Variants in SLC17A8 observed in about 807,000 individuals in gnomAD.
SLC17A8 encodes vesicular glutamate transporter 3.
A neutral mutation model predicts 58.0 loss-of-function variants in SLC17A8; 31 were observed. The ratio of observed to expected loss-of-function variants is 0.53; its 90% CI spans 0.40 to 0.72. SLC17A8 has a LOEUF of 0.72. Ranked by LOEUF, SLC17A8 falls within the 30% of genes least tolerant of loss-of-function variation. The probability of loss-of-function intolerance (pLI) is 0.00; values close to 1 mark genes in which losing one functional copy is unlikely to be tolerated. For missense variants in SLC17A8, 655 were observed against 727.8 expected (o/e 0.90, Z 1.15); for synonymous variants, 228 against 249.0 (o/e 0.92, Z 0.79).
chr12:100,383,424 AG>A (rs1952650682), intron 2 of SLC17A8, among the ~76,000 whole-genome samples: 1 of 152,206 alleles, frequency 6.6e-6, no homozygotes. Flanking sequence ...AATTTATAGC[AG>A]ATTATTTCTC....
chr12:100,407,476 A>G (rs1952834172), intron 9 of SLC17A8, among the ~76,000 whole-genome samples: 1 of 152,156 alleles, frequency 6.6e-6, no homozygotes, highest in Non-Finnish European at 1.5e-5. Context: ...TTGAGAGGAA[A>G]TAGTTTTTTT....
intron 1 of SLC17A8, among the ~76,000 whole-genome samples, chr12:100,365,671 G>A (rs1041264836): frequency 2.2e-4 from 33 of 152,190 alleles, no homozygotes; most frequent in African/African-American, 7.5e-4. Flanking sequence ...GTTCTGGAAT[G>A]TCTCAAACAC....
At chr12:100,392,197 G>GT (rs776273138) in intron 3 of SLC17A8, among the ~76,000 whole-genome samples, 5 of 151,346 alleles carry the variant, frequency 3.3e-5, no homozygotes, top group South Asian at 2.1e-4. Flanking sequence ...TTTAAAAAGT[G>GT]GTTTTTTTTT....
At chr12:100,404,238 T>C (rs990761878) in intron 9 of SLC17A8, 68 bp downstream of exon 9, 18 of 1,593,838 alleles carry the variant, frequency 1.1e-5, no homozygotes, top group Admixed American at 1.7e-5. Context: ...CTGCAGAGCA[T>C]ATATTAAGAA....
intron 10 of SLC17A8, among the ~76,000 whole-genome samples, chr12:100,413,144 C>A (rs550909519): frequency 6.6e-6 from 1 of 152,118 alleles, no homozygotes; most frequent in Admixed American, 6.6e-5. Flanking sequence ...TTCTGAGACA[C>A]GAGCAGAGGC....
chr12:100,405,209 T>C (rs893223833), intron 9 of SLC17A8, among the ~76,000 whole-genome samples: 1 of 152,184 alleles, frequency 6.6e-6, no homozygotes, highest in African/African-American at 2.4e-5. Context: ...GGCCTGACCT[T>C]AGCTTGAACT....
At chr12:100,395,326 A>ATTTT (rs11304705) in intron 4 of SLC17A8, among the ~76,000 whole-genome samples, 1 of 138,116 alleles carries the variant, frequency 7.2e-6, no homozygotes, top group Admixed American at 7.4e-5. Flanking sequence ...AAACAAAAGA[A>ATTTT]TTTTTTTTTT....
intron 2 of SLC17A8, among the ~76,000 whole-genome samples, chr12:100,385,234 T>C (rs949650702): frequency 4.1e-4 from 8 of 19,554 alleles, no homozygotes; most frequent in African/African-American, 6.7e-4. Flanking sequence ...GTCTTAAACA[T>C]TTTTTTTTTT....
rs1159332945 is a variant in SLC17A8 at position 100,408,596 on chromosome 12, C to T, written c.1187-4174C>T. On this transcript the variant is annotated intron_variant, in intron 9 of 11. Transcript: ENST00000323346. ...TAGTATTTTAACTGTCAGTAGAAAC[C>T]ATTTAGGCTCTTAAATGCTTTTTTT... 1.3e-5 allele frequency among the ~76,000 whole-genome samples: 2 copies of T among 152,130 alleles called. 1 individual carries two copies. The highest frequency in any genetic ancestry group is 4.1e-4 in the South Asian group (2 of 4,830).
chr12:100,397,891 G>A (rs556534107), intron 5 of SLC17A8, among the ~76,000 whole-genome samples: 16 of 148,950 alleles, frequency 1.1e-4, no homozygotes, highest in African/African-American at 3.7e-4. Flanking sequence ...GCAGTGAGCC[G>A]AGATCACACC....
At chr12:100,391,261 C>T (rs535289807) in intron 3 of SLC17A8, 142 bp downstream of exon 3, 1 of 674,856 alleles carries the variant, frequency 1.5e-6, no homozygotes, top group South Asian at 1.6e-5. Context: ...AGATACTGAT[C>T]CCAAATGACC....
chr12:100,357,530 A>G, intron 1 of SLC17A8, 38 bp downstream of exon 1: 1 of 1,328,816 alleles, frequency 7.5e-7, no homozygotes. Flanking sequence ...CTTTCTGAGT[A>G]GCTTCGTATT....
At chr12:100,389,378 G>T (rs1952697415) in intron 2 of SLC17A8, among the ~76,000 whole-genome samples, 1 of 152,006 alleles carries the variant, frequency 6.6e-6, no homozygotes, top group South Asian at 2.1e-4. Context: ...AGGTAGAATG[G>T]GCTTTATTGT....
intron 1 of SLC17A8, among the ~76,000 whole-genome samples, chr12:100,365,874 G>T (rs1952516831): frequency 6.6e-6 from 1 of 152,044 alleles, no homozygotes; most frequent in Non-Finnish European, 1.5e-5. Context: ...AGGTCTCTCT[G>T]ACTATATTAT....
intron 1 of SLC17A8, among the ~76,000 whole-genome samples, chr12:100,370,340 T>C (rs7977341): frequency 0.67 from 102,085 of 151,886 alleles, 36,775 homozygotes; most frequent in East Asian, 0.99. Flanking sequence ...TCTTGTCACC[T>C]AGGCTGGAGT....
At chr12:100,380,225 T>C (rs1321551885) in intron 1 of SLC17A8, among the ~76,000 whole-genome samples, 1 of 109,410 alleles carries the variant, frequency 9.1e-6, no homozygotes, top group African/African-American at 3.8e-5. Context: ...AAAAAAAGAC[T>C]TAGAAAGGTT....
chr12:100,419,666 C>T (rs546928436), intron 11 of SLC17A8, 149 bp from the exon 12 acceptor site: 8 of 676,358 alleles, frequency 1.2e-5, no homozygotes, highest in African/African-American at 9.0e-5. Context: ...CCGGATGGTG[C>T]TTCTGACACA....
intron 1 of SLC17A8, among the ~76,000 whole-genome samples, chr12:100,375,600 T>G (rs886234035): frequency 6.6e-6 from 1 of 152,174 alleles, no homozygotes; most frequent in Non-Finnish European, 1.5e-5. Context: ...GCACAGCAGC[T>G]GGGGCTGTCT....
chr12:100,381,096 TC>T lies in SLC17A8; in HGVS notation c.354+146del, dbSNP rs997462961. On this transcript the variant is annotated intron_variant, in intron 2 of 11. Coordinates refer to ENST00000323346, the MANE Select transcript of SLC17A8 (RefSeq NM_139319.3). ...AAATTAACCTCCCATCTCAGCATCC[TC>T]CCATTTCAGCATCTCAGATAAGTAG... The T allele has an allele frequency of 1.1e-5, 10 of 895,774 alleles. No individual in the cohort carries two copies. In the Admixed American group the frequency reaches 1.2e-4, roughly 11 times the overall value. 55.5% of individuals were successfully genotyped at this position (895,774 alleles called of 1,614,324 possible).
Sources: allele counts gnomAD v4.1 joint callset (sites outside exome capture counted in the v4.1 genomes callset), GRCh38; gene constraint gnomAD v4.1.1; transcripts MANE v1.5; gene names NCBI Gene and HGNC (gene_info 2026-07-23, HGNC 2026-07-21).